ZMYM2: variants seen among roughly 807,000 people sequenced by gnomAD.
ZMYM2 encodes zinc finger MYM-type protein 2.
Under a neutral mutation model 162.8 loss-of-function variants are expected in ZMYM2, and 56 were observed. That is an observed-to-expected ratio of 0.34 (90% CI 0.28 to 0.43). The LOEUF (loss-of-function observed/expected upper bound fraction) is 0.43, where lower values mean the gene tolerates loss of function less well. Among genes scored for constraint, ZMYM2 ranks in the 20% least tolerant of loss-of-function variants. The pLI, the probability that ZMYM2 is intolerant of heterozygous loss-of-function variation, is 1.00. For synonymous variants in ZMYM2, 510 were observed against 541.6 expected (o/e 0.94, Z 0.81); for missense variants, 1,275 against 1,621.8 (o/e 0.79, Z 3.67).
At chr13:20,026,454 G>C in intron 7 of ZMYM2, 158 bp from the exon 8 acceptor site, 1 of 619,396 alleles carries the variant, frequency 1.6e-6, no homozygotes, top group Non-Finnish European at 2.6e-6. Context: ...TTGTTGCATA[G>C]TTAATAGTTT....
intron 9 of ZMYM2, among the ~76,000 whole-genome samples, chr13:20,030,553 C>T (rs1310393326): frequency 5.9e-5 from 9 of 152,182 alleles, no homozygotes; most frequent in Non-Finnish European, 1.2e-4. Context: ...CACCTGCCAC[C>T]ACCCCCAGCT....
chr13:20,049,008 G>C (rs1004825199), intron 12 of ZMYM2, among the ~76,000 whole-genome samples: 1 of 151,864 alleles, frequency 6.6e-6, no homozygotes, highest in Non-Finnish European at 1.5e-5. Flanking sequence ...TGTTGGTAAG[G>C]AATGATGGTC....
chr13:20,082,693 T>C, intron 22 of ZMYM2, 88 bp from the exon 23 acceptor site: 1 of 1,143,810 alleles, frequency 8.7e-7, no homozygotes, highest in Non-Finnish European at 1.2e-6. Flanking sequence ...TATAGATTTG[T>C]CCTTAAATTA....
At chr13:19,867,305 G>A in the ZMYM2 span, among the ~76,000 whole-genome samples, 2 of 150,688 alleles carry the variant, frequency 1.3e-5, no homozygotes, top group South Asian at 2.1e-4. Flanking sequence ...AGCAGAGATC[G>A]CGCCATCGCA....
At chr13:19,990,631 T>C (rs1949528116) in intron 2 of ZMYM2, among the ~76,000 whole-genome samples, 1 of 152,066 alleles carries the variant, frequency 6.6e-6, no homozygotes, top group African/African-American at 2.4e-5. Flanking sequence ...AAGAAAATGC[T>C]ACAAGACGTA....
chr13:19,904,412 GCCGGGCGTGGTGGCAGGCAC>G, the ZMYM2 span, among the ~76,000 whole-genome samples: 8,567 of 152,120 alleles, frequency 0.056, 421 homozygotes, highest in African/African-American at 0.14. Context: ...CAAAACGTTA[GCCGGGCGTGGTGGCAGGCAC>G]CTGTAATTCC....
chr13:20,033,377 C>G (rs901336157), intron 10 of ZMYM2, among the ~76,000 whole-genome samples: 5 of 152,080 alleles, frequency 3.3e-5, no homozygotes, highest in Non-Finnish European at 5.9e-5. Context: ...TTGAGCGTGT[C>G]CCCCTGGGAG....
intron 14 of ZMYM2, among the ~76,000 whole-genome samples, chr13:20,056,783 G>C (rs1955831561): frequency 6.6e-6 from 1 of 152,200 alleles, no homozygotes; most frequent in Non-Finnish European, 1.5e-5. Context: ...ATGGAATTCT[G>C]TCTTGGGAAA....
rs1238274767 is a variant in ZMYM2 at position 20,085,988 on chromosome 13, T to G, written c.4108T>G (p.Tyr1370Asp). Residue 1370 changes from tyrosine (Y) to aspartate (D), a missense_variant, in exon 25 of 25, where the codon TAT becomes GAT. By Grantham distance (160) the Tyr-to-Asp change is radical (BLOSUM62 -3). This residue lies in a region of ZMYM2 where 69 missense variants were observed against 78.4 expected (regional missense o/e 0.88). Transcript: ENST00000610343. ...LVKDIYDKDN[Y>D]ELDEDTD ...AAAAGATATTTATGATAAAGACAAT[T>G]ATGAACTGGATGAAGACACAGACTA... is the stretch of plus-strand genomic sequence containing the variant. 6.2e-7 allele frequency: 1 copy of G among 1,613,512 alleles called. No homozygotes were observed. The highest frequency in any genetic ancestry group is 8.5e-7 in the Non-Finnish European group (1 of 1,179,652).
chr13:20,076,011 T>C (rs1365398379), intron 21 of ZMYM2, among the ~76,000 whole-genome samples: 1 of 150,918 alleles, frequency 6.6e-6, no homozygotes, highest in Non-Finnish European at 1.5e-5. Flanking sequence ...TTTTCTTTAA[T>C]CTCCCCACCT....
chr13:20,019,405 G>A, intron 6 of ZMYM2, 142 bp from the exon 7 acceptor site: 1 of 633,504 alleles, frequency 1.6e-6, no homozygotes, highest in South Asian at 2.4e-5. Flanking sequence ...GACAGGACAG[G>A]CAGACATTTT....
At chr13:19,947,764 G>A in the ZMYM2 span, among the ~76,000 whole-genome samples, 4 of 152,194 alleles carry the variant, frequency 2.6e-5, 1 homozygote, top group African/African-American at 9.6e-5. Flanking sequence ...AGAGTGCTGG[G>A]ATTACAGGTG....
At chr13:19,876,405 C>T in the ZMYM2 span, among the ~76,000 whole-genome samples, 1 of 152,016 alleles carries the variant, frequency 6.6e-6, no homozygotes, top group Non-Finnish European at 1.5e-5. Flanking sequence ...TCACTGCAAC[C>T]TCCGCCTCCC....
chr13:19,906,284 G>GTATATACATATATATA, the ZMYM2 span, among the ~76,000 whole-genome samples: 1 of 63,792 alleles, frequency 1.6e-5, no homozygotes, highest in African/African-American at 6.0e-5. Flanking sequence ...TCAAAAAAAA[G>GTATATACATATATATA]TATATATATA....
At chr13:19,929,485 G>A in the ZMYM2 span, among the ~76,000 whole-genome samples, 6 of 151,938 alleles carry the variant, frequency 3.9e-5, no homozygotes, top group Admixed American at 1.3e-4. Context: ...TGATCTGCCC[G>A]CCTCGACCTC....
intron 14 of ZMYM2, among the ~76,000 whole-genome samples, chr13:20,055,448 G>A (rs1390454734): frequency 6.6e-6 from 1 of 152,048 alleles, no homozygotes; most frequent in African/African-American, 2.4e-5. Context: ...TTAGTGTCAG[G>A]GTGTTTTGTT....
intron 21 of ZMYM2, among the ~76,000 whole-genome samples, chr13:20,074,543 C>G (rs990916302): frequency 3.5e-5 from 5 of 143,032 alleles, no homozygotes; most frequent in Admixed American, 2.1e-4. Flanking sequence ...GGCTTCCTTC[C>G]TTTTTTTTTT....
At position 20,067,318 on chromosome 13, in the gene ZMYM2, T is replaced by C; in HGVS notation, c.3381T>C (p.Asn1127=). The stretch of plus-strand genomic sequence containing the variant: ...ACTATGGGTTAGCTCATTTTGTCAA[T>C]GAGATCCGACGGCCAAATGGAGAGA... ...ELNYGLAHFV[N]EIRRPNGENY... is the part of the protein sequence containing the mutation. Residue 1127 remains asparagine (N), a synonymous_variant, in exon 21 of 25, where the codon AAT becomes AAC. Transcript: ENST00000610343. 6.2e-7 allele frequency: 1 copy of C among 1,607,998 alleles called. No individual in the cohort carries two copies. The highest frequency in any genetic ancestry group is 8.5e-7 in the Non-Finnish European group (1 of 1,177,078).
At chr13:20,016,773 T>C (rs1216051980) in intron 6 of ZMYM2, among the ~76,000 whole-genome samples, 1 of 152,242 alleles carries the variant, frequency 6.6e-6, no homozygotes, top group Non-Finnish European at 1.5e-5. Flanking sequence ...CCGTATTTTC[T>C]TTGTCTTTTA....
Sources: gnomAD v4.1 joint callset for allele counts (sites outside exome capture counted in the v4.1 genomes callset) on GRCh38, gnomAD v4.1.1 for gene constraint, gnomAD v4.1.1 regional missense constraint, MANE v1.5 for transcripts, NCBI Gene and HGNC (gene_info 2026-07-23, HGNC 2026-07-21) for gene names.